Variants in CHRNB3 observed in about 807,000 individuals in gnomAD.
The protein encoded by CHRNB3 is cholinergic receptor nicotinic beta 3 subunit, also known as neuronal acetylcholine receptor subunit beta-3.
A neutral mutation model predicts 40.6 loss-of-function variants in CHRNB3; 37 were observed. The observed-to-expected ratio is 0.91, with a 90% CI of 0.70 to 1.20. CHRNB3 has a LOEUF of 1.20. Among genes scored for constraint, CHRNB3 ranks in the 50% most tolerant of loss-of-function variants. The probability of loss-of-function intolerance (pLI) is 0.00; values close to 1 mark genes in which losing one functional copy is unlikely to be tolerated. For synonymous variants in CHRNB3, 207 were observed against 207.1 expected (o/e 1.00, Z 0.00); for missense variants, 505 against 551.2 (o/e 0.92, Z 0.84).
At chr8:42,730,466 G>C in intron 3 of CHRNB3, 128 bp from the exon 4 acceptor site, 1 of 595,708 alleles carries the variant, frequency 1.7e-6, no homozygotes, top group Non-Finnish European at 2.8e-6. Flanking sequence ...GGGTCACGCA[G>C]TCCAACCGGG....
intron 3 of CHRNB3, among the ~76,000 whole-genome samples, chr8:42,728,280 C>T (rs544184176): frequency 6.6e-6 from 1 of 152,246 alleles, no homozygotes; most frequent in East Asian, 1.9e-4. Context: ...AATTCCTACA[C>T]TTTGGGAGGT....
chr8:42,700,019 C>CTTTTTTTTTTT (rs573615558), intron 1 of CHRNB3, among the ~76,000 whole-genome samples: 6 of 140,904 alleles, frequency 4.3e-5, no homozygotes, highest in African/African-American at 1.6e-4. Flanking sequence ...AATTTCTTTT[C>CTTTTTTTTTTT]TTTTTTTTTT....
In CHRNB3 at chr8:42,736,555, A is replaced by G. The variant is rs778668324; in HGVS notation, c.1314A>G (p.Ser438=). 1.2e-6 allele frequency: 2 copies of G among 1,614,206 alleles called. No homozygotes were observed. Among genetic ancestry groups the G allele is most frequent in the Non-Finnish European group, 1.7e-6 (2 of 1,180,034 alleles). Residue 438 remains serine (S), a synonymous_variant, in exon 6 of 6, where the codon TCA becomes TCG. Coordinates refer to ENST00000289957, the MANE Select transcript of CHRNB3 (RefSeq NM_000749.5). ...RIFLWLFLIV[S]VTGSVLIFTP... ...TCCTGTGGCTCTTTCTGATAGTGTC[A>G]GTAACAGGCTCGGTTCTGATTTTTA...
At chr8:42,718,501 A>G (rs75719157) in intron 3 of CHRNB3, among the ~76,000 whole-genome samples, 8,636 of 151,576 alleles carry the variant, frequency 0.057, 319 homozygotes, top group Middle Eastern at 0.11. Context: ...GTGAAACCCC[A>G]TTTCTACTAA....
At chr8:42,701,488 G>A (rs149861338) in intron 1 of CHRNB3, among the ~76,000 whole-genome samples, 3,399 of 152,198 alleles carry the variant, frequency 0.022, 64 homozygotes, top group Non-Finnish European at 0.035. Flanking sequence ...AGGCTGCAGT[G>A]ACCCATGATC....
At chr8:42,713,490 C>T (rs1816052389) in intron 3 of CHRNB3, among the ~76,000 whole-genome samples, 1 of 152,120 alleles carries the variant, frequency 6.6e-6, no homozygotes, top group South Asian at 2.1e-4. Context: ...AGCCCACTGA[C>T]TGAAGTTCCC....
chr8:42,697,504 T>C lies in CHRNB3; in HGVS notation c.-43T>C, dbSNP rs755777606. On this transcript the variant is annotated 5_prime_UTR_variant, in exon 1 of 6. Coordinates refer to ENST00000289957, the MANE Select transcript of CHRNB3 (RefSeq NM_000749.5). ...CCCCTTTTCCAGTGGAAATGCTCTG[T>C]TGTTAAAAAGGAAGAAACTGTCTTT... The C allele has an allele frequency of 7.0e-6, 11 of 1,563,098 alleles. No individual in the cohort carries two copies. The highest frequency in any genetic ancestry group is 9.7e-6 in the Non-Finnish European group (11 of 1,133,986).
At chr8:42,717,319 A>T (rs1405496220) in intron 3 of CHRNB3, among the ~76,000 whole-genome samples, 1 of 112,932 alleles carries the variant, frequency 8.9e-6, no homozygotes, top group African/African-American at 3.6e-5. Flanking sequence ...GCTTGCAGTG[A>T]GCCGAGATCC....
chr8:42,728,028 A>G (rs6997994), intron 3 of CHRNB3, among the ~76,000 whole-genome samples: 8,716 of 152,302 alleles, frequency 0.057, 331 homozygotes, highest in Middle Eastern at 0.11. Context: ...ACATTAGTAA[A>G]AGGAAAAAAA....
chr8:42,710,515 T>A, intron 3 of CHRNB3, 81 bp downstream of exon 3: 1 of 1,091,348 alleles, frequency 9.2e-7, no homozygotes, highest in Non-Finnish European at 1.4e-6. Context: ...GAAAAACAAT[T>A]ATTTAAGAGG....
At chr8:42,716,481 C>T (rs1005555331) in intron 3 of CHRNB3, among the ~76,000 whole-genome samples, 70 of 152,224 alleles carry the variant, frequency 4.6e-4, no homozygotes, top group African/African-American at 1.5e-3. Flanking sequence ...TCAAGGACAG[C>T]GGCAGCAGAG....
intron 1 of CHRNB3, among the ~76,000 whole-genome samples, chr8:42,706,491 C>A (rs1815924682): frequency 6.6e-6 from 1 of 152,034 alleles, no homozygotes; most frequent in African/African-American, 2.4e-5. Context: ...GCATCTGTGC[C>A]CTCAGCGTGG....
intron 3 of CHRNB3, among the ~76,000 whole-genome samples, chr8:42,727,457 A>T (rs990591734): frequency 6.6e-6 from 1 of 152,090 alleles, no homozygotes; most frequent in African/African-American, 2.4e-5. Context: ...ACCCATGCAC[A>T]TACACAGTTA....
At chr8:42,707,752 C>T (rs986644579) in intron 1 of CHRNB3, among the ~76,000 whole-genome samples, 1 of 152,130 alleles carries the variant, frequency 6.6e-6, no homozygotes, top group Admixed American at 6.6e-5. Flanking sequence ...CAAGGAAGGA[C>T]TTTGTAAGGA....
intron 1 of CHRNB3, among the ~76,000 whole-genome samples, chr8:42,702,509 T>G (rs1274259679): frequency 6.6e-6 from 1 of 152,194 alleles, no homozygotes; most frequent in East Asian, 1.9e-4. Context: ...GGCTCACGCC[T>G]GTAAACCCAG....
chr8:42,729,818 A>T (rs977189199), intron 3 of CHRNB3, among the ~76,000 whole-genome samples: 3 of 152,098 alleles, frequency 2.0e-5, no homozygotes, highest in Non-Finnish European at 4.4e-5. Context: ...TTTGTAATAG[A>T]GTCCACTCTG....
intron 5 of CHRNB3, among the ~76,000 whole-genome samples, chr8:42,734,721 G>T (rs187665107): frequency 1.3e-5 from 2 of 151,836 alleles, no homozygotes; most frequent in Admixed American, 1.3e-4. Flanking sequence ...ACCTGGCCAA[G>T]AATTTTTTTT....
At chr8:42,709,551 A>G (rs1295999500) in intron 2 of CHRNB3, among the ~76,000 whole-genome samples, 1 of 152,096 alleles carries the variant, frequency 6.6e-6, no homozygotes, top group Non-Finnish European at 1.5e-5. Flanking sequence ...GGCTGGCTCA[A>G]TACCCCAGGA....
At chr8:42,711,131 CAT>C (rs969869219) in intron 3 of CHRNB3, among the ~76,000 whole-genome samples, 3 of 152,032 alleles carry the variant, frequency 2.0e-5, no homozygotes, top group African/African-American at 7.2e-5. Context: ...CCCAGTTTCG[CAT>C]ATGTTATCTA....
Sources: gnomAD v4.1 joint callset for allele counts (sites outside exome capture counted in the v4.1 genomes callset) on GRCh38, gnomAD v4.1.1 for gene constraint, MANE v1.5 for transcripts, NCBI Gene and HGNC (gene_info 2026-07-23, HGNC 2026-07-21) for gene names.